KCNN2: variants seen among roughly 807,000 people sequenced by gnomAD.
KCNN2 encodes potassium calcium-activated channel subfamily N member 2, also known as small conductance calcium-activated potassium channel protein 2.
Under a neutral mutation model 55.5 loss-of-function variants are expected in KCNN2, and 24 were observed. The observed-to-expected ratio is 0.43, with a 90% CI of 0.31 to 0.61. KCNN2 has a LOEUF of 0.61. Among genes scored for constraint, KCNN2 ranks in the 20% least tolerant of loss-of-function variants. The pLI is 0.08. For synonymous variants in KCNN2, 431 were observed against 336.1 expected (o/e 1.28, Z -3.09); for missense variants, 754 against 853.6 (o/e 0.88, Z 1.45).
At chr5:114,093,381 C>G (rs1204750151) in intron 1 of KCNN2, among the ~76,000 whole-genome samples, 1 of 152,216 alleles carries the variant, frequency 6.6e-6, no homozygotes, top group Non-Finnish European at 1.5e-5. Context: ...TTTCCCACAT[C>G]TTCCTGTCTT....
intron 2 of KCNN2, among the ~76,000 whole-genome samples, chr5:114,348,027 T>C (rs993134042): frequency 6.6e-6 from 1 of 152,182 alleles, no homozygotes; most frequent in Non-Finnish European, 1.5e-5. Flanking sequence ...CATGTATGTC[T>C]TCTTGACCAC....
intron 4 of KCNN2, among the ~76,000 whole-genome samples, chr5:114,467,199 A>C (rs1214454718): frequency 6.6e-6 from 1 of 152,202 alleles, no homozygotes; most frequent in African/African-American, 2.4e-5. Context: ...GGGTGTTCCA[A>C]AACAGCACGA....
chr5:114,404,054 G>A (rs1004167856), intron 2 of KCNN2, among the ~76,000 whole-genome samples: 4 of 152,188 alleles, frequency 2.6e-5, no homozygotes, highest in Admixed American at 2.0e-4. Context: ...AATATAGTTA[G>A]AATTGTGTAA....
chr5:114,455,120 G>A (rs535907712), intron 3 of KCNN2, among the ~76,000 whole-genome samples: 6 of 152,084 alleles, frequency 3.9e-5, no homozygotes, highest in Admixed American at 6.5e-5. Flanking sequence ...TGGCACACAG[G>A]CTTACCTCAT....
intron 2 of KCNN2, among the ~76,000 whole-genome samples, chr5:114,386,202 A>AT (rs397948984): frequency 2.1e-5 from 3 of 145,776 alleles, no homozygotes. Context: ...AAAAAAAAAA[A>AT]GTGAAGTATA....
chr5:114,371,179 A>G (rs777495801), intron 2 of KCNN2, among the ~76,000 whole-genome samples: 1 of 152,304 alleles, frequency 6.6e-6, no homozygotes, highest in Non-Finnish European at 1.5e-5. Flanking sequence ...ATTGAGGAGC[A>G]GGGTGTAGAA....
At chr5:114,380,359 C>A (rs1758080161) in intron 2 of KCNN2, among the ~76,000 whole-genome samples, 1 of 152,192 alleles carries the variant, frequency 6.6e-6, no homozygotes, top group Non-Finnish European at 1.5e-5. Context: ...CACAACAATT[C>A]TAAAATAATG....
At chr5:114,359,739 C>G (rs1246563407), upstream of KCNN2, among the ~76,000 whole-genome samples, 1 of 152,186 alleles carries the variant, frequency 6.6e-6, no homozygotes, top group Non-Finnish European at 1.5e-5. Flanking sequence ...AAGGATGAAT[C>G]AAACATTTTC....
At chr5:114,306,386 T>C (rs548931097) in intron 2 of KCNN2, among the ~76,000 whole-genome samples, 1 of 152,182 alleles carries the variant, frequency 6.6e-6, no homozygotes, top group Non-Finnish European at 1.5e-5. Context: ...ATAAATTGAA[T>C]TAAAGTCCCT....
chr5:114,212,760 G>C (rs1753915242), intron 1 of KCNN2, among the ~76,000 whole-genome samples: 1 of 152,004 alleles, frequency 6.6e-6, no homozygotes, highest in Non-Finnish European at 1.5e-5. Flanking sequence ...GTAAGACTGA[G>C]TGATTTTTAT....
In KCNN2 at chr5:114,369,071, G is replaced by A. The variant is rs920316113; in HGVS notation, c.1218+5070G>A. Among the ~76,000 whole-genome samples the A allele has an allele frequency of 2.6e-5, 4 of 152,226 alleles. No homozygotes were observed. In the East Asian group the frequency reaches 7.7e-4, roughly 29 times the overall value. Reference sequence around the variant, plus strand: ...ATGGTAAATTTTCAGCAGTGAGACTGCTGAATCAAAGGGAGTTTGCATTTT... The same window carrying A: ...ATGGTAAATTTTCAGCAGTGAGACTACTGAATCAAAGGGAGTTTGCATTTT... On this transcript the variant is annotated intron_variant, in intron 2 of 7. Coordinates refer to ENST00000673685, the MANE Select transcript of KCNN2 (RefSeq NM_021614.4).
chr5:114,175,245 A>G (rs918285714), intron 1 of KCNN2, among the ~76,000 whole-genome samples: 1 of 152,214 alleles, frequency 6.6e-6, no homozygotes, highest in African/African-American at 2.4e-5. Context: ...ATAAAATGTT[A>G]TAACTTGCCA....
intron 2 of KCNN2, among the ~76,000 whole-genome samples, chr5:114,286,662 G>C (rs1239640872): frequency 6.6e-6 from 1 of 152,076 alleles, no homozygotes; most frequent in Non-Finnish European, 1.5e-5. Context: ...GATTTTAGTT[G>C]ACTAACAAGA....
At chr5:114,315,560 T>G (rs1418233891) in intron 2 of KCNN2, among the ~76,000 whole-genome samples, 1 of 152,054 alleles carries the variant, frequency 6.6e-6, no homozygotes, top group African/African-American at 2.4e-5. Context: ...GGTTTTAAAA[T>G]AAATTTACTA....
chr5:114,360,649 C>T (rs953982673), upstream of KCNN2, among the ~76,000 whole-genome samples: 1 of 152,166 alleles, frequency 6.6e-6, no homozygotes, highest in African/African-American at 2.4e-5. Context: ...TGGTACATCT[C>T]TTAGAAGAAG....
chr5:114,365,763 A>G (rs868592922), intron 2 of KCNN2, among the ~76,000 whole-genome samples: 2 of 152,240 alleles, frequency 1.3e-5, no homozygotes, highest in African/African-American at 4.8e-5. Flanking sequence ...GTTCTTACAT[A>G]TTTTTAAAAA....
chr5:114,490,801 G>A, intron 6 of KCNN2: 1 of 397,740 alleles, frequency 2.5e-6, no homozygotes, highest in Non-Finnish European at 4.4e-6. Context: ...TCTGATTGCT[G>A]CTATGGAAAT....
At chr5:114,307,170 A>C (rs1756297345) in intron 2 of KCNN2, among the ~76,000 whole-genome samples, 1 of 152,130 alleles carries the variant, frequency 6.6e-6, no homozygotes, top group Admixed American at 6.5e-5. Context: ...ATTTATTTAC[A>C]CATTTATGGT....
At chr5:114,472,262 C>A (rs866205829) in intron 4 of KCNN2, among the ~76,000 whole-genome samples, 1 of 152,176 alleles carries the variant, frequency 6.6e-6, no homozygotes, top group African/African-American at 2.4e-5. Context: ...AAGACTCTCA[C>A]AACTTGGAAT....
Sources: gnomAD v4.1 joint callset for allele counts (sites outside exome capture counted in the v4.1 genomes callset) on GRCh38, gnomAD v4.1.1 for gene constraint, MANE v1.5 for transcripts, NCBI Gene and HGNC (gene_info 2026-07-23, HGNC 2026-07-21) for gene names.